TSPEAR: variants seen among roughly 807,000 people sequenced by gnomAD.
TSPEAR encodes the protein thrombospondin-type laminin G domain and EAR repeat-containing protein.
TSPEAR carries 69 observed loss-of-function variants against 71.6 expected under a neutral mutation model. The observed-to-expected ratio is 0.96, with a 90% CI of 0.79 to 1.18. The LOEUF (loss-of-function observed/expected upper bound fraction) is 1.18, where lower values mean the gene tolerates loss of function less well. Ranked by LOEUF, TSPEAR falls within the 50% of genes most tolerant of loss-of-function variation. TSPEAR has a pLI of 0.00. For synonymous variants in TSPEAR, 402 were observed against 387.2 expected, an observed-to-expected ratio of 1.04 and a Z score of -0.45; for missense variants, 971 against 894.9, an observed-to-expected ratio of 1.09 and a Z score of -1.09.
rs1447963010 is a variant in TSPEAR, at chr21:44,557,991, A to G, written c.303+9794T>C. The G allele has an allele frequency of 4.5e-6, 7 of 1,559,636 alleles. No homozygotes were observed. The Admixed American group carries it at 9.0e-5, about 20-fold the overall frequency. On this transcript the variant is annotated intron_variant, in intron 2 of 11. Coordinates refer to ENST00000323084, the MANE Select transcript of TSPEAR (RefSeq NM_144991.3). ...GACTCAGACAGGGCTCAGGGCTGCA[A>G]GGATTTTCGGAAGTCAGAGATGGCC...
At chr21:44,709,821 C>T (rs953047463) in intron 1 of TSPEAR, among the ~76,000 whole-genome samples, 44 of 152,264 alleles carry the variant, frequency 2.9e-4, no homozygotes, top group African/African-American at 1.1e-3. Flanking sequence ...TTCTACAGAA[C>T]GATCTGAAGC....
intron 1 of TSPEAR, among the ~76,000 whole-genome samples, chr21:44,668,647 A>G (rs781877136): frequency 6.6e-6 from 1 of 152,356 alleles, no homozygotes; most frequent in South Asian, 2.1e-4. Context: ...AACTTACTAC[A>G]AAGCTACACT....
At chr21:44,538,787 C>G (rs1555916706) in intron 2 of TSPEAR, among the ~76,000 whole-genome samples, 1 of 152,190 alleles carries the variant, frequency 6.6e-6, no homozygotes, top group Non-Finnish European at 1.5e-5. Context: ...AAGACCCGGG[C>G]ACAGGGGCTG....
chr21:44,681,609 T>G, intron 1 of TSPEAR: 1 of 530,324 alleles, frequency 1.9e-6, no homozygotes, highest in Non-Finnish European at 3.3e-6. Context: ...TTGACTCTCA[T>G]GGGGTCAGAG....
chr21:44,678,495 T>G (rs117241219), intron 1 of TSPEAR, among the ~76,000 whole-genome samples: 1,796 of 152,294 alleles, frequency 0.012, 20 homozygotes, highest in Non-Finnish European at 0.017. Context: ...CTATGGTTCC[T>G]GTATAGCCTG....
intron 1 of TSPEAR, chr21:44,580,500 A>G: frequency 6.2e-7 from 1 of 1,613,608 alleles, no homozygotes; most frequent in Non-Finnish European, 8.5e-7. Context: ...GGGGGCTCAC[A>G]GCAGCTCTCT....
At chr21:44,640,613 C>T (rs1983971576) in intron 1 of TSPEAR, among the ~76,000 whole-genome samples, 1 of 152,212 alleles carries the variant, frequency 6.6e-6, no homozygotes, top group Admixed American at 6.5e-5. Context: ...CCAATGCCTC[C>T]ACCTCCCCTT....
chr21:44,558,178 G>A (rs782705109), intron 2 of TSPEAR: 9 of 1,547,892 alleles, frequency 5.8e-6, no homozygotes, highest in Middle Eastern at 1.7e-4. Context: ...GTGGAGGCAG[G>A]GGCACAGCAG....
At chr21:44,634,827 A>G (rs587760562) in intron 1 of TSPEAR, among the ~76,000 whole-genome samples, 1 of 152,328 alleles carries the variant, frequency 6.6e-6, no homozygotes, top group Non-Finnish European at 1.5e-5. Context: ...TTTAACACAC[A>G]CATACACCAA....
intron 11 of TSPEAR, among the ~76,000 whole-genome samples, chr21:44,503,529 A>G (rs2052101144): frequency 7.8e-6 from 1 of 128,154 alleles, no homozygotes; most frequent in South Asian, 2.8e-4. Context: ...CTTGGGGGGA[A>G]GCCGGCCTTG....
At chr21:44,591,479 G>A (rs781917857) in intron 1 of TSPEAR, 56 of 1,613,936 alleles carry the variant, frequency 3.5e-5, no homozygotes, top group Non-Finnish European at 3.6e-5. Flanking sequence ...GAGGCCGTGC[G>A]GCAGCAGCTG....
At chr21:44,513,858 G>A (rs1462665628) in intron 9 of TSPEAR, among the ~76,000 whole-genome samples, 3 of 152,154 alleles carry the variant, frequency 2.0e-5, no homozygotes, top group Non-Finnish European at 2.9e-5. Context: ...GGGGGGCAGT[G>A]GCATCCTCTC....
chr21:44,568,410 G>A (rs2053734895), intron 1 of TSPEAR, among the ~76,000 whole-genome samples: 1 of 152,234 alleles, frequency 6.6e-6, no homozygotes. Flanking sequence ...AGACCAGGCA[G>A]GCCCAGGCTC....
intron 2 of TSPEAR, chr21:44,539,526 A>G: frequency 1.2e-6 from 2 of 1,613,608 alleles, no homozygotes; most frequent in Non-Finnish European, 8.5e-7. Context: ...TGGCAGCATG[A>G]AGTGGAAGCC....
chr21:44,667,879 C>T (rs1282096769), intron 1 of TSPEAR, among the ~76,000 whole-genome samples: 3 of 152,188 alleles, frequency 2.0e-5, no homozygotes, highest in African/African-American at 7.2e-5. Flanking sequence ...TTCATGATGA[C>T]AACAATCAAC....
In TSPEAR at chr21:44,544,133, G is replaced by A. The variant is rs587686417; in HGVS notation, c.304-10210C>T. On this transcript the variant is annotated intron_variant, in intron 2 of 11. Transcript: ENST00000323084. Reference sequence around the variant, plus strand: ...AGAGTTCACTGGGGTTTAAGTTTGCGCTGTCCTGGTGATCCATGATGTGAA... The same window carrying A: ...AGAGTTCACTGGGGTTTAAGTTTGCACTGTCCTGGTGATCCATGATGTGAA... 1.4e-4 allele frequency among the ~76,000 whole-genome samples: 21 copies of A among 152,252 alleles called. 1 individual carries two copies. The highest frequency in any genetic ancestry group is 3.4e-4 in the African/African-American group (14 of 41,536).
chr21:44,702,698 C>G (rs2091618726), intron 1 of TSPEAR: 1 of 1,512,210 alleles, frequency 6.6e-7, no homozygotes, highest in African/African-American at 1.4e-5. Flanking sequence ...TCCTGCCAGC[C>G]CAGCTGCTGC....
intron 3 of TSPEAR, 86 bp from the exon 4 acceptor site, chr21:44,531,219 CT>C (rs749569423): frequency 4.2e-4 from 451 of 1,063,818 alleles, no homozygotes; most frequent in Non-Finnish European, 5.3e-4. Flanking sequence ...AAGCCCCTCA[CT>C]AAGCAGCGTG....
rs1569219574 is a variant in TSPEAR at position 44,612,853 on chromosome 21, C to T, written c.83-44848G>A. On this transcript the variant is annotated intron_variant, in intron 1 of 11. Transcript: ENST00000323084. This position sits in a 1 kb window ranked among gnomAD's most constrained non-coding sequence, Gnocchi z 4.1. ...CCTCCTGCCTGTCCTTCCTCTGCCG[C>T]CCCGCGTGCTCCCGCCTGGCCTGCT... The T allele has an allele frequency of 1.2e-6, 2 of 1,612,386 alleles. No individual in the cohort carries two copies. The highest frequency in any genetic ancestry group is 2.7e-5 in the African/African-American group (2 of 74,900).
Sources: gnomAD v4.1 joint callset for allele counts (sites outside exome capture counted in the v4.1 genomes callset) on GRCh38, gnomAD v4.1.1 for gene constraint, Gnocchi (gnomAD v3.1) non-coding constraint, MANE v1.5 for transcripts, NCBI Gene and HGNC (gene_info 2026-07-23, HGNC 2026-07-21) for gene names.